Variants in SGMS2 observed in about 807,000 individuals in gnomAD.
SGMS2 encodes sphingomyelin synthase 2.
In SGMS2, 21 loss-of-function variants were observed where a neutral mutation model predicts 43.8. The observed-to-expected ratio is 0.48, with a 90% CI of 0.34 to 0.69. SGMS2 has a LOEUF of 0.69. Among genes scored for constraint, SGMS2 ranks in the 30% least tolerant of loss-of-function variants. The pLI is 0.01. For missense variants in SGMS2, 384 were observed against 443.2 expected, an observed-to-expected ratio of 0.87 and a Z score of 1.20; for synonymous variants, 167 against 160.6, an observed-to-expected ratio of 1.04 and a Z score of -0.30.
chr4:107,837,550 G>A (rs1053364110), intron 1 of SGMS2, among the ~76,000 whole-genome samples: 4 of 152,162 alleles, frequency 2.6e-5, no homozygotes, highest in Non-Finnish European at 5.9e-5. Flanking sequence ...ACCGAGTTGG[G>A]TAGGGCTGGC....
chr4:107,893,578 T>A (rs1730420496), intron 2 of SGMS2: 1 of 152,308 alleles, frequency 6.6e-6, no homozygotes. Context: ...TGTCAAAGCC[T>A]GGGATGTCAA....
chr4:107,827,309 A>T (rs1725647127), intron 1 of SGMS2, among the ~76,000 whole-genome samples: 1 of 152,200 alleles, frequency 6.6e-6, no homozygotes, highest in Non-Finnish European at 1.5e-5. Context: ...CATAACAGCC[A>T]CTGTGCTAGG....
intron 2 of SGMS2, among the ~76,000 whole-genome samples, chr4:107,876,154 A>G (rs1560653130): frequency 1.3e-5 from 2 of 152,342 alleles, no homozygotes; most frequent in East Asian, 1.9e-4. Context: ...ACAGAGCACA[A>G]AGCACAAATG....
chr4:107,849,641 TTTTAAAGATCACAATTGAC>T (rs1350541412), intron 1 of SGMS2, among the ~76,000 whole-genome samples: 4 of 135,574 alleles, frequency 3.0e-5, no homozygotes, highest in African/African-American at 1.5e-4. Context: ...TAAAGTGACT[TTTTAAAGATCACAATTGAC>T]TTTTTAAAGA....
chr4:107,895,769 T>G lies in SGMS2; in HGVS notation c.216T>G (p.Phe72Leu). Residue 72 changes from phenylalanine to leucine, a missense_variant, in exon 3 of 7, where the codon TTT (phenylalanine) becomes TTG (leucine). Transcript: ENST00000690982. Reference protein sequence around the residue: ...IAMPTESRNKFPLEWWKTGIA... With the variant: ...IAMPTESRNKLPLEWWKTGIA... ...TGCCCACTGAATCAAGGAACAAATTTCCACTAGAGTGGTGGAAAACGGGCA... is the reference window on the plus strand; with the variant it reads ...TGCCCACTGAATCAAGGAACAAATTGCCACTAGAGTGGTGGAAAACGGGCA... The G allele has an allele frequency of 6.2e-7, 1 of 1,613,916 alleles. No homozygotes were observed.
intron 2 of SGMS2, 28 bp from the exon 3 acceptor site, chr4:107,895,282 T>C (rs960810406): frequency 5.0e-6 from 2 of 402,158 alleles, no homozygotes; most frequent in African/African-American, 4.0e-5. Flanking sequence ...AAGCATAGTT[T>C]CTGAACATAA....
chr4:107,880,367 T>G (rs1729243203), intron 2 of SGMS2, among the ~76,000 whole-genome samples: 2 of 152,216 alleles, frequency 1.3e-5, no homozygotes, highest in Admixed American at 1.3e-4. Context: ...AAATACATGG[T>G]AACTTTTTGG....
chr4:107,900,792 CCA>C (rs1731055060), intron 4 of SGMS2, among the ~76,000 whole-genome samples: 1 of 152,202 alleles, frequency 6.6e-6, no homozygotes, highest in African/African-American at 2.4e-5. Context: ...CTGAAGACGT[CCA>C]CAGTCTCCCT....
chr4:107,909,439 A>G (rs1731920999), intron 6 of SGMS2, among the ~76,000 whole-genome samples: 1 of 152,118 alleles, frequency 6.6e-6, no homozygotes, highest in Non-Finnish European at 1.5e-5. Context: ...AAATCACACA[A>G]AATAAATAGC....
At chr4:107,866,175 T>A (rs1190515370) in intron 2 of SGMS2, among the ~76,000 whole-genome samples, 1 of 152,208 alleles carries the variant, frequency 6.6e-6, no homozygotes, top group Non-Finnish European at 1.5e-5. Context: ...GGGCCATGGT[T>A]ATTGAATAAA....
intron 1 of SGMS2, among the ~76,000 whole-genome samples, chr4:107,846,857 T>C (rs1726856465): frequency 6.7e-6 from 1 of 150,054 alleles, no homozygotes; most frequent in South Asian, 2.1e-4. Context: ...ATTTCTCTGA[T>C]GGCCAGTGAT....
chr4:107,885,673 A>G (rs1053143967), intron 2 of SGMS2, among the ~76,000 whole-genome samples: 66 of 152,238 alleles, frequency 4.3e-4, no homozygotes, highest in Admixed American at 3.3e-4. Context: ...AATGAAAACA[A>G]AACAGGCAGG....
intron 1 of SGMS2, among the ~76,000 whole-genome samples, chr4:107,836,179 C>G (rs1043406880): frequency 2.0e-5 from 3 of 152,176 alleles, no homozygotes; most frequent in African/African-American, 7.2e-5. Context: ...AGACCGGCCA[C>G]ACGTCAAGCA....
chr4:107,850,188 T>C (rs1727060666), intron 1 of SGMS2, among the ~76,000 whole-genome samples: 1 of 152,172 alleles, frequency 6.6e-6, no homozygotes, highest in African/African-American at 2.4e-5. Flanking sequence ...CCTTCCACCA[T>C]GATTATAAGT....
chr4:107,837,095 A>G (rs574258755), intron 1 of SGMS2, among the ~76,000 whole-genome samples: 155 of 152,338 alleles, frequency 1.0e-3, no homozygotes, highest in African/African-American at 3.6e-3. Context: ...TTGGAAATTG[A>G]TTAATGTATT....
At chr4:107,894,158 GTCC>G (rs1241354493) in intron 2 of SGMS2, 5 of 150,458 alleles carry the variant, frequency 3.3e-5, no homozygotes, top group African/African-American at 7.4e-5. Flanking sequence ...CTTTGAGTTT[GTCC>G]TCCTCAGTTT....
intron 1 of SGMS2, among the ~76,000 whole-genome samples, chr4:107,857,368 G>T (rs994926744): frequency 3.3e-5 from 5 of 151,548 alleles, no homozygotes; most frequent in African/African-American, 1.2e-4. Context: ...TTTTTTGGGG[G>T]GTATATACCT....
At chr4:107,829,654 C>A (rs979598652) in intron 1 of SGMS2, among the ~76,000 whole-genome samples, 2 of 152,156 alleles carry the variant, frequency 1.3e-5, no homozygotes, top group Non-Finnish European at 2.9e-5. Flanking sequence ...AGCTTTCAAA[C>A]TAAACTTGTG....
At chr4:107,887,373 A>G (rs1729841138) in intron 2 of SGMS2, among the ~76,000 whole-genome samples, 1 of 152,214 alleles carries the variant, frequency 6.6e-6, no homozygotes, top group Non-Finnish European at 1.5e-5. Context: ...TGTGGCATAC[A>G]ATAATTTAAC....
Sources: gnomAD v4.1 joint callset for allele counts (sites outside exome capture counted in the v4.1 genomes callset) on GRCh38, gnomAD v4.1.1 for gene constraint, MANE v1.5 for transcripts, NCBI Gene and HGNC (gene_info 2026-07-23, HGNC 2026-07-21) for gene names.